MAPK10: variants seen among roughly 807,000 people sequenced by gnomAD.
MAPK10 encodes the protein mitogen-activated protein kinase 10, also known as JNK3 alpha protein kinase.
In MAPK10, 25 loss-of-function variants were observed where a neutral mutation model predicts 59.3. The ratio of observed to expected loss-of-function variants is 0.42; its 90% CI spans 0.31 to 0.59. The LOEUF is 0.59. Ranked by LOEUF, MAPK10 falls within the 20% of genes least tolerant of loss-of-function variation. MAPK10 has a pLI of 0.15. For synonymous variants in MAPK10, 190 were observed against 200.5 expected, an observed-to-expected ratio of 0.95 and a Z score of 0.44; for missense variants, 351 against 568.9, an observed-to-expected ratio of 0.62 and a Z score of 3.90.
At chr4:86,516,652 T>TG (rs1554276095) in intron 1 of MAPK10, among the ~76,000 whole-genome samples, 2 of 149,494 alleles carry the variant, frequency 1.3e-5, no homozygotes, top group African/African-American at 2.5e-5. Flanking sequence ...TTTGTTTGTT[T>TG]TTTGTTTGTT....
intron 2 of MAPK10, among the ~76,000 whole-genome samples, chr4:86,330,580 T>C (rs1318976170): frequency 6.6e-6 from 1 of 152,188 alleles, no homozygotes; most frequent in Non-Finnish European, 1.5e-5. Flanking sequence ...CTGATGGTTT[T>C]ATAAGGGGCT....
Position 86,152,915 on chromosome 4 carries a change from C to A in MAPK10, c.236+6383G>T, listed in dbSNP as rs544129986. On this transcript the variant is annotated intron_variant, in intron 4 of 13. Coordinates refer to ENST00000641462, the MANE Select transcript of MAPK10 (RefSeq NM_138982.4). Reference sequence around the variant, plus strand: ...GCATAATTTAATTCAACTGATCAAACTGCCTCCTTTCTGTGAGGAATTTTG... The same window carrying A: ...GCATAATTTAATTCAACTGATCAAAATGCCTCCTTTCTGTGAGGAATTTTG... Among the ~76,000 whole-genome samples, 23 of 152,320 alleles carry A rather than the reference C, an allele frequency of 1.5e-4. No homozygotes were observed. The East Asian group carries it at 4.4e-3, about 29-fold the overall frequency.
intron 1 of MAPK10, among the ~76,000 whole-genome samples, chr4:86,375,713 T>TA (rs56189009): frequency 0.11 from 3,764 of 33,416 alleles, 354 homozygotes; most frequent in Admixed American, 0.14. Flanking sequence ...AGGTCCACTC[T>TA]AAAAAAAAAA....
intron 1 of MAPK10, among the ~76,000 whole-genome samples, chr4:86,379,480 C>T (rs1740353157): frequency 6.6e-6 from 1 of 152,164 alleles, no homozygotes; most frequent in South Asian, 2.1e-4. Flanking sequence ...AAAATCTCTG[C>T]AGCACTGTGA....
At chr4:86,264,064 A>G (rs754287113) in intron 2 of MAPK10, among the ~76,000 whole-genome samples, 1 of 152,212 alleles carries the variant, frequency 6.6e-6, no homozygotes, top group Non-Finnish European at 1.5e-5. Context: ...GTTTCTAGTT[A>G]CTGCGAATAT....
At chr4:86,293,912 A>T (rs889238889) in intron 2 of MAPK10, among the ~76,000 whole-genome samples, 3 of 152,200 alleles carry the variant, frequency 2.0e-5, no homozygotes, top group African/African-American at 7.2e-5. Flanking sequence ...ACTGAGGACT[A>T]CATTTCAACA....
chr4:86,542,787 T>C (rs1301301192), intron 1 of MAPK10, among the ~76,000 whole-genome samples: 1 of 152,186 alleles, frequency 6.6e-6, no homozygotes, highest in Non-Finnish European at 1.5e-5. Flanking sequence ...CTGCTTGCTT[T>C]GCTTTTGAGA....
At chr4:86,396,266 G>C (rs866139533) in intron 1 of MAPK10, among the ~76,000 whole-genome samples, 2 of 152,166 alleles carry the variant, frequency 1.3e-5, no homozygotes, top group South Asian at 4.1e-4. Context: ...AGAATGGCGC[G>C]AACCCAGGAG....
At chr4:86,476,891 A>C (rs957913823) in intron 1 of MAPK10, among the ~76,000 whole-genome samples, 1 of 152,146 alleles carries the variant, frequency 6.6e-6, no homozygotes, top group African/African-American at 2.4e-5. Context: ...CACTGGACCA[A>C]GGAATGCCCA....
intron 3 of MAPK10, among the ~76,000 whole-genome samples, chr4:86,173,299 G>A (rs9762806): frequency 0.085 from 12,880 of 151,894 alleles, 1,207 homozygotes; most frequent in African/African-American, 0.23. Flanking sequence ...CAGAATAGAG[G>A]GCTCAGAAAT....
chr4:86,127,268 C>T (rs1263425008), intron 4 of MAPK10, among the ~76,000 whole-genome samples: 7 of 149,758 alleles, frequency 4.7e-5, no homozygotes, highest in Non-Finnish European at 1.0e-4. Context: ...GGGACCATAT[C>T]TGTATTGCTC....
At chr4:86,541,216 T>C (rs1040737110) in intron 1 of MAPK10, among the ~76,000 whole-genome samples, 5 of 152,044 alleles carry the variant, frequency 3.3e-5, no homozygotes, top group Non-Finnish European at 7.4e-5. Context: ...AGGGGAGACA[T>C]AGCAGAGAAT....
intron 2 of MAPK10, among the ~76,000 whole-genome samples, chr4:86,197,285 TG>T (rs1179184220): frequency 1.3e-5 from 2 of 152,144 alleles, no homozygotes; most frequent in African/African-American, 4.8e-5. Context: ...TCATATCCCT[TG>T]TAAGTTGTCT....
intron 4 of MAPK10, among the ~76,000 whole-genome samples, chr4:86,114,648 C>G (rs2058040473): frequency 6.6e-6 from 1 of 152,244 alleles, no homozygotes; most frequent in Non-Finnish European, 1.5e-5. Flanking sequence ...GGAGGTCTCA[C>G]TCAGTCAGGA....
Position 86,411,900 on chromosome 4 carries a change from T to A in MAPK10, c.-122+41130A>T, listed in dbSNP as rs1412592367. On this transcript the variant is annotated intron_variant, in intron 1 of 13. Transcript: ENST00000361569. ...AATTGGAGTATTTAGCCCATTTACA[T>A]TTAAGGTTAATATTGTTATATTTGA... Among the ~76,000 whole-genome samples, 2 of 152,326 alleles carry A rather than the reference T, an allele frequency of 1.3e-5. 1 individual carries two copies. The highest frequency in any genetic ancestry group is 4.1e-4 in the South Asian group (2 of 4,830).
chr4:86,226,605 T>C (rs1362966945), intron 2 of MAPK10, among the ~76,000 whole-genome samples: 1 of 152,234 alleles, frequency 6.6e-6, no homozygotes, highest in African/African-American at 2.4e-5. Context: ...TTAAATTGCA[T>C]ATTATTTTCA....
intron 1 of MAPK10, among the ~76,000 whole-genome samples, chr4:86,492,755 T>TA (rs1471679392): frequency 6.6e-6 from 1 of 152,212 alleles, no homozygotes; most frequent in African/African-American, 2.4e-5. Flanking sequence ...CCTTGATTTT[T>TA]AAAAAATTTG....
chr4:86,460,586 A>G (rs1751642001), intron 1 of MAPK10, among the ~76,000 whole-genome samples: 1 of 152,316 alleles, frequency 6.6e-6, no homozygotes, highest in South Asian at 2.1e-4. Flanking sequence ...TAAACAAAAT[A>G]TCTGCAGCAC....
intron 9 of MAPK10, among the ~76,000 whole-genome samples, chr4:86,084,385 T>C (rs1222474989): frequency 6.6e-6 from 1 of 152,202 alleles, no homozygotes; most frequent in Admixed American, 6.5e-5. Context: ...ACTATTCAAA[T>C]TGATAAATTC....
Sources: allele counts gnomAD v4.1 joint callset (sites outside exome capture counted in the v4.1 genomes callset), GRCh38; gene constraint gnomAD v4.1.1; transcripts MANE v1.5; gene names NCBI Gene and HGNC (gene_info 2026-07-23, HGNC 2026-07-21).